The following VWA5A variants were observed in gnomAD, a reference collection of about 807,000 sequenced individuals.
VWA5A encodes von Willebrand factor A domain-containing protein 5A.
A neutral mutation model predicts 84.6 loss-of-function variants in VWA5A; 77 were observed. The ratio of observed to expected loss-of-function variants is 0.91; its 90% CI spans 0.76 to 1.10. The LOEUF is 1.10. VWA5A is among the 50% of genes least tolerant of loss of function. VWA5A has a pLI of 0.00. For synonymous variants in VWA5A, 334 were observed against 350.1 expected (o/e 0.95, Z 0.51); for missense variants, 973 against 963.0 (o/e 1.01, Z -0.14).
Position 124,118,566 on chromosome 11 carries a change from C to G in VWA5A, c.503C>G (p.Thr168Ser). 1 of 1,614,160 alleles carries G rather than the reference C, an allele frequency of 6.2e-7. No individual in the cohort carries two copies. Residue 168 changes from threonine to serine, a missense_variant, in exon 6 of 19, where the codon ACT (threonine) becomes AGT (serine). Physicochemically the swap from Thr to Ser is moderately conservative, Grantham distance 58. Coordinates refer to ENST00000456829, the MANE Select transcript of VWA5A (RefSeq NM_001130142.2). ...AAGGACAGTTGCCTTAATGTGAAGA[C>G]TCCTATAGTCCCTGTGGAGGACCTG... ...SSKDSCLNVK[T>S]PIVPVEDLPY... is the part of the protein sequence containing the mutation.
In VWA5A at chr11:124,141,667, AT is replaced by A. The variant is rs1565291464; in HGVS notation, c.1950del (p.Tyr650Ter). On this transcript the variant is annotated frameshift_variant, in exon 16 of 19. Transcript: ENST00000456829. LOFTEE classifies it high-confidence loss of function. ...CAGCCCAGAGGGGAACTTATGTGTT[AT>A]AAGGCCAAGACATTCCAGATGGACG... is the stretch of plus-strand genomic sequence containing the variant. ...ASQPRGELMC[Y>X]KAKTFQMDDY... 1 of 1,614,154 alleles carries A rather than the reference AT, an allele frequency of 6.2e-7. No individual in the cohort carries two copies. Among genetic ancestry groups the A allele is most frequent in the South Asian group, 1.1e-5 (1 of 91,072 alleles).
chr11:124,134,980 G>A lies in VWA5A; in HGVS notation c.1305G>A (p.Arg435=). Residue 435 remains arginine, a synonymous_variant, in exon 12 of 19, where the codon CGG becomes CGA. Transcript: ENST00000456829. ...CCAGCCTAATAAAAGGTATTGCCCG[G>A]GCATCAGGGGGCACCTCAGAATTTA... The part of the protein sequence containing the change: ...TSTSLIKGIA[R]ASGGTSEFIT... 6.2e-7 allele frequency: 1 copy of A among 1,613,622 alleles called. No homozygotes were observed.
chr11:124,126,719 G>A (rs972548843), intron 11 of VWA5A, among the ~76,000 whole-genome samples: 6 of 151,472 alleles, frequency 4.0e-5, no homozygotes, highest in Non-Finnish European at 8.8e-5. Flanking sequence ...AGATCACACC[G>A]CTGCACTCCA....
chr11:124,116,077 C>T lies in VWA5A; in HGVS notation c.-130-489C>T, dbSNP rs945138936. On this transcript the variant is annotated intron_variant, in intron 1 of 18. Transcript: ENST00000456829. ...CACAGGCCGCAGGGGTGTGTGTGGC[C>T]GGTGGTGCCACCCAGCTCCCCTCCC... 3 of 152,232 alleles carry T rather than the reference C, an allele frequency of 2.0e-5. No individual in the cohort carries two copies. In the South Asian group the frequency reaches 6.2e-4, roughly 32 times the overall value. 9.4% of individuals were successfully genotyped at this position (152,232 alleles called of 1,614,324 possible).
intron 17 of VWA5A, 45 bp downstream of exon 17, chr11:124,142,617 G>A: frequency 3.1e-6 from 5 of 1,609,624 alleles, no homozygotes; most frequent in East Asian, 2.2e-5. Flanking sequence ...TTGAGAGAGA[G>A]GTCATCATTG....
rs534182681 is a variant in VWA5A, at chr11:124,133,211, C to T, written c.1245-1709C>T. 9.2e-5 allele frequency among the ~76,000 whole-genome samples: 14 copies of T among 152,204 alleles called. No individual in the cohort carries two copies. The East Asian group carries it at 1.5e-3, about 17-fold the overall frequency. ...CAGTCAGGGTCTGATGAACTTCAGT[C>T]GCGGTGATGGCTGGTCTATTTCTGA... On this transcript the variant is annotated intron_variant, in intron 11 of 18. Coordinates refer to ENST00000456829, the MANE Select transcript of VWA5A (RefSeq NM_001130142.2).
chr11:124,135,067 G>A, intron 12 of VWA5A, 33 bp downstream of exon 12: 1 of 1,584,494 alleles, frequency 6.3e-7, no homozygotes, highest in East Asian at 2.2e-5. Context: ...CTGTCTGGAG[G>A]TGGCAATCCA....
At chr11:124,118,037 A>G in intron 4 of VWA5A, 152 bp from the exon 5 acceptor site, 1 of 1,291,122 alleles carries the variant, frequency 7.7e-7, no homozygotes, top group South Asian at 1.5e-5. Flanking sequence ...TTCTAAAATC[A>G]TTTGGGGAAA....
chr11:124,135,563 C>T lies in VWA5A; in HGVS notation c.1359+529C>T, dbSNP rs190093523. Among the ~76,000 whole-genome samples the T allele has an allele frequency of 5.6e-3, 722 of 130,000 alleles. 1 individual carries two copies. The highest frequency in any genetic ancestry group is 0.013 in the Admixed American group (160 of 12,384). The allele number at this position is 130,000 out of a possible 152,430, so 85.3% of individuals were successfully genotyped here. On this transcript the variant is annotated intron_variant, in intron 12 of 18. Coordinates refer to ENST00000456829, the MANE Select transcript of VWA5A (RefSeq NM_001130142.2). Reference sequence around the variant, plus strand: ...TTTTTTTTTCTGAGACGGAGTCTCGCTCTGTCGCCCAGGCTGGAGTGCAGT... The same window carrying T: ...TTTTTTTTTCTGAGACGGAGTCTCGTTCTGTCGCCCAGGCTGGAGTGCAGT...
intron 11 of VWA5A, among the ~76,000 whole-genome samples, chr11:124,128,435 G>A (rs1012760790): frequency 6.6e-6 from 1 of 152,200 alleles, no homozygotes; most frequent in Non-Finnish European, 1.5e-5. Context: ...ATAGTTTGAA[G>A]CCAGGTAGCG....
chr11:124,131,706 G>T (rs1024372404), intron 11 of VWA5A, among the ~76,000 whole-genome samples: 1 of 151,360 alleles, frequency 6.6e-6, no homozygotes, highest in African/African-American at 2.4e-5. Flanking sequence ...TTATATATTT[G>T]CAGACTCTTT....
chr11:124,127,564 G>A (rs989679703), intron 11 of VWA5A, among the ~76,000 whole-genome samples: 4 of 152,094 alleles, frequency 2.6e-5, no homozygotes, highest in African/African-American at 9.7e-5. Context: ...TGATATTTCT[G>A]GTTCTAGATC....
chr11:124,136,345 A>G (rs770823014), intron 13 of VWA5A, 52 bp downstream of exon 13: 12 of 1,582,592 alleles, frequency 7.6e-6, no homozygotes, highest in Admixed American at 5.2e-5. Context: ...CCACATGACC[A>G]TTCCACTAAA....
rs1864855329 is a variant in VWA5A, at chr11:124,117,716, T to C, written c.87T>C (p.Phe29=). ...SISVSVNIYE[F]VAGVSATLNY... is the part of the protein sequence containing the mutation. ...CTGTGAGCGTGAACATTTACGAGTT[T>C]GTGGCTGGTGTGTCTGCAACTTTGA... is the stretch of plus-strand genomic sequence containing the variant. The change falls in exon 4 of 19, where the codon TTT becomes TTC. Residue 29 remains phenylalanine, a synonymous_variant. Coordinates refer to ENST00000456829, the MANE Select transcript of VWA5A (RefSeq NM_001130142.2). 1 of 1,614,208 alleles carries C rather than the reference T, an allele frequency of 6.2e-7. No individual in the cohort carries two copies. Among genetic ancestry groups the C allele is most frequent in the African/African-American group, 1.3e-5 (1 of 75,050 alleles).
intron 13 of VWA5A, 72 bp from the exon 14 acceptor site, chr11:124,136,502 C>A: frequency 6.6e-7 from 1 of 1,518,288 alleles, no homozygotes; most frequent in South Asian, 1.1e-5. Context: ...GGTACCTGCC[C>A]CTGTTCTGAT....
intron 12 of VWA5A, among the ~76,000 whole-genome samples, chr11:124,135,334 G>C (rs1029863228): frequency 5.9e-5 from 9 of 152,112 alleles, no homozygotes; most frequent in Non-Finnish European, 8.8e-5. Context: ...TAAGAGCTTT[G>C]ACTGTCAAGA....
chr11:124,125,207 G>A (rs557187020), intron 11 of VWA5A, among the ~76,000 whole-genome samples: 4 of 151,668 alleles, frequency 2.6e-5, no homozygotes, highest in Non-Finnish European at 5.9e-5. Context: ...TGTTCCAATC[G>A]CCTAATTTCC....
chr11:124,127,906 A>G lies in VWA5A; in HGVS notation c.1244+3590A>G, dbSNP rs1208095867. ...TTTGTAAGTTCTTTGTAGATTCTGG[A>G]CATTAACCCTTTGTAAGATGGATAG... On this transcript the variant is annotated intron_variant, in intron 11 of 18. Coordinates refer to ENST00000456829, the MANE Select transcript of VWA5A (RefSeq NM_001130142.2). Among the ~76,000 whole-genome samples, 5 of 152,106 alleles carry G rather than the reference A, an allele frequency of 3.3e-5. No homozygotes were observed. The East Asian group carries it at 9.6e-4, about 29-fold the overall frequency.
intron 7 of VWA5A, among the ~76,000 whole-genome samples, chr11:124,120,033 A>G (rs1591356549): frequency 6.6e-6 from 1 of 152,216 alleles, no homozygotes; most frequent in Non-Finnish European, 1.5e-5. Flanking sequence ...TATATGTAAC[A>G]AAATTGACCA....
Sources: allele counts gnomAD v4.1 joint callset (sites outside exome capture counted in the v4.1 genomes callset), GRCh38; gene constraint gnomAD v4.1.1; transcripts MANE v1.5; gene names NCBI Gene and HGNC (gene_info 2026-07-23, HGNC 2026-07-21).